The following L3MBTL1 variants were observed in gnomAD, a reference collection of about 807,000 sequenced individuals.
The protein encoded by L3MBTL1 is lethal(3)malignant brain tumor-like protein 1.
A neutral mutation model predicts 105.3 loss-of-function variants in L3MBTL1; 75 were observed. The observed-to-expected ratio is 0.71, with a 90% CI of 0.59 to 0.86. L3MBTL1 has a LOEUF of 0.86. L3MBTL1 is among the 40% of genes least tolerant of loss of function. The pLI is 0.00. For synonymous variants in L3MBTL1, 452 were observed against 436.2 expected (o/e 1.04, Z -0.45); for missense variants, 1,069 against 1,126.4 (o/e 0.95, Z 0.73).
intron 1 of L3MBTL1, among the ~76,000 whole-genome samples, chr20:43,509,636 G>A (rs561766967): frequency 5.9e-5 from 9 of 152,204 alleles, no homozygotes; most frequent in Non-Finnish European, 1.3e-4. Flanking sequence ...AGAGCATTTT[G>A]TCATGTTTGT....
At position 43,528,744 on chromosome 20, in the gene L3MBTL1, A is replaced by G. The variant is rs1333940730; in HGVS notation, c.950A>G (p.Asp317Gly). ...AITAPVSLFQ[D>G]SQAVTHNKNG... is the part of the protein sequence containing the mutation. The stretch of plus-strand genomic sequence containing the variant: ...ACTGCTCCAGTCAGCCTCTTCCAGG[A>G]CGTGAGTTGGACAATTTCCCCGTAG... Residue 317 changes from aspartate (D) to glycine (G), a missense_variant and splice_region_variant, in exon 8 of 22, where the codon GAC (aspartate) becomes GGC (glycine). Coordinates refer to ENST00000418998, the MANE Select transcript of L3MBTL1 (RefSeq NM_001377303.1). The G allele has an allele frequency of 1.9e-6, 3 of 1,611,836 alleles. No homozygotes were observed. The Admixed American group carries it at 5.0e-5, about 27-fold the overall frequency.
chr20:43,537,206 G>A (rs1342542971), intron 19 of L3MBTL1, among the ~76,000 whole-genome samples: 1 of 152,222 alleles, frequency 6.6e-6, no homozygotes, highest in Non-Finnish European at 1.5e-5. Context: ...CCTTGCACTA[G>A]CGTGCTTGCT....
At position 43,514,751 on chromosome 20, in the gene L3MBTL1, T is replaced by A. The variant is rs750696565; in HGVS notation, c.477T>A (p.Asp159Glu). 1 of 1,561,028 alleles carries A rather than the reference T, an allele frequency of 6.4e-7. No individual in the cohort carries two copies. The highest frequency in any genetic ancestry group is 1.4e-5 in the African/African-American group (1 of 73,908). ...AAGATGGCGGGGCCCCGGCGGGAGA[T>A]GGCGAGGCGGGCCCCCAACAGGCGG... ...EYEDGGAPAG[D>E]GEAGPQQAED... The change falls in exon 4 of 22, where the codon GAT (aspartate) becomes GAA (glutamate). Residue 159 changes from aspartate (D) to glutamate (E), a missense_variant. Coordinates refer to ENST00000418998, the MANE Select transcript of L3MBTL1 (RefSeq NM_001377303.1).
rs750050548 is a variant in L3MBTL1 at position 43,534,355 on chromosome 20, C to T, written c.1671C>T (p.Arg557=). ...AVDRRNPALI[R]VASVEDVEDH... ...ACCGCAGGAACCCAGCCCTGATTCGCGTGGCCAGCGTGGAGGATGTGGAGG... is the reference window on the plus strand; with the variant it reads ...ACCGCAGGAACCCAGCCCTGATTCGTGTGGCCAGCGTGGAGGATGTGGAGG... The change falls in exon 15 of 22, where the codon CGC becomes CGT. Residue 557 remains arginine (R), a synonymous_variant. Coordinates refer to ENST00000418998, the MANE Select transcript of L3MBTL1 (RefSeq NM_001377303.1). The T allele has an allele frequency of 8.7e-6, 14 of 1,614,080 alleles. No homozygotes were observed. Among genetic ancestry groups the T allele is most frequent in the Admixed American group, 5.0e-5 (3 of 60,012 alleles).
intron 12 of L3MBTL1, 55 bp from the exon 13 acceptor site, chr20:43,533,287 G>T: frequency 6.6e-7 from 1 of 1,510,180 alleles, no homozygotes; most frequent in South Asian, 1.2e-5. Context: ...TCAGAGGATG[G>T]CAGGCTCAGG....
At position 43,510,386 on chromosome 20, in the gene L3MBTL1, TTTTC is replaced by T. The variant is rs1397282415; in HGVS notation, c.-29+2662_-29+2665del. Among the ~76,000 whole-genome samples the T allele has an allele frequency of 4.3e-3, 613 of 143,244 alleles. 4 individuals are homozygous for T. The highest frequency in any genetic ancestry group is 0.014 in the African/African-American group (525 of 38,094). The allele number at this position is 143,244 out of a possible 152,430, so 94.0% of individuals were successfully genotyped here. A position where few individuals can be genotyped will look rare whatever the true frequency, so the allele number is the denominator to read the frequency against. ...AAATTCAGGGAATTATGTTTTATAATTTTCTTTCTTTCTTTCTTTCTTTTTTTTT... is the reference window on the plus strand; with the variant it reads ...AAATTCAGGGAATTATGTTTTATAATTTTCTTTCTTTCTTTCTTTTTTTTT... On this transcript the variant is annotated intron_variant, in intron 1 of 21. Coordinates refer to ENST00000418998, the MANE Select transcript of L3MBTL1 (RefSeq NM_001377303.1).
At chr20:43,541,982 G>A, downstream of L3MBTL1, 1 of 795,070 alleles carries the variant, frequency 1.3e-6, no homozygotes, top group Non-Finnish European at 1.5e-6. Context: ...AGGCCACGGT[G>A]GGTGGATCAC....
Position 43,513,292 on chromosome 20 carries a change from A to G in L3MBTL1, c.-28-184A>G, listed in dbSNP as rs530955500. 3.3e-3 allele frequency among the ~76,000 whole-genome samples: 502 copies of G among 152,324 alleles called. 2 individuals are homozygous for G. Among genetic ancestry groups the G allele is most frequent in the Non-Finnish European group, 6.3e-3 (430 of 68,032 alleles). On this transcript the variant is annotated intron_variant, in intron 1 of 21. Coordinates refer to ENST00000418998, the MANE Select transcript of L3MBTL1 (RefSeq NM_001377303.1). The stretch of plus-strand genomic sequence containing the variant: ...GGGAGGTGCAGGGCCTGGCCAGAAC[A>G]GGAGCCAGACCTGATGCTGGTCTCT...
At chr20:43,514,451 G>A (rs187181239) in intron 3 of L3MBTL1, 184 bp from the exon 4 acceptor site, 2 of 1,493,596 alleles carry the variant, frequency 1.3e-6, no homozygotes, top group Admixed American at 4.4e-5. Context: ...GCAGGTGCTT[G>A]GGGGCGTAGC....
chr20:43,509,427 A>G (rs751864182), intron 1 of L3MBTL1, among the ~76,000 whole-genome samples: 2 of 151,996 alleles, frequency 1.3e-5, no homozygotes, highest in Admixed American at 6.6e-5. Context: ...AGGCCTCACT[A>G]TGTTGGCCAT....
At chr20:43,515,978 T>C in intron 6 of L3MBTL1, 115 bp from the exon 7 acceptor site, 1 of 726,208 alleles carries the variant, frequency 1.4e-6, no homozygotes. Flanking sequence ...AAATTCTGCC[T>C]GTTTGGGGCA....
intron 7 of L3MBTL1, among the ~76,000 whole-genome samples, chr20:43,518,734 C>T (rs2018536355): frequency 6.6e-6 from 1 of 151,302 alleles, no homozygotes; most frequent in African/African-American, 2.4e-5. Flanking sequence ...TAAGGCCGGG[C>T]ACGGTGGCTC....
At position 43,535,840 on chromosome 20, in the gene L3MBTL1, C is replaced by G; in HGVS notation, c.1829C>G (p.Pro610Arg). The part of the protein sequence containing the change: ...TGHPLQPPLG[P>R]REPSSASPGG... ...CGCCTCCTTTCTGCTCTTTTAGGAC[C>G]CAGAGAGCCCAGCTCTGCCTCCCCT... is the stretch of plus-strand genomic sequence containing the variant. The change falls in exon 17 of 22, where the codon CCC becomes CGC. Residue 610 changes from proline to arginine, a missense_variant. Physicochemically the swap from Pro to Arg is moderately radical, Grantham distance 103 (BLOSUM62 -2). Transcript: ENST00000418998. 1.3e-6 allele frequency: 2 copies of G among 1,587,818 alleles called. No individual in the cohort carries two copies. The highest frequency in any genetic ancestry group is 1.7e-6 in the Non-Finnish European group (2 of 1,168,656).
chr20:43,530,664 G>A (rs1216808999), intron 10 of L3MBTL1, 134 bp from the exon 11 acceptor site: 2 of 873,768 alleles, frequency 2.3e-6, no homozygotes, highest in African/African-American at 1.7e-5. Flanking sequence ...CAGTAGTGGG[G>A]AATCCCTGGG....
intron 3 of L3MBTL1, 118 bp downstream of exon 3, chr20:43,514,179 T>A: frequency 1.1e-6 from 1 of 927,914 alleles, no homozygotes; most frequent in South Asian, 1.6e-5. Flanking sequence ...TGATGGGCCC[T>A]AGGGGTGGGC....
chr20:43,536,013 AAC>A (rs1600952088), intron 17 of L3MBTL1, 77 bp downstream of exon 17: 1 of 1,592,562 alleles, frequency 6.3e-7, no homozygotes. Flanking sequence ...GGTCCACCAA[AAC>A]ACACTCCAGC....
At chr20:43,542,023 C>A, downstream of L3MBTL1, 2 of 335,122 alleles carry the variant, frequency 6.0e-6, no homozygotes, top group Non-Finnish European at 8.5e-6. Flanking sequence ...CCAGCCTGGC[C>A]AACATGGTGA....
chr20:43,549,062 A>G (rs1163762335), exon 19 of L3MBTL1: 2 of 152,180 alleles, frequency 1.3e-5, no homozygotes, highest in Non-Finnish European at 2.9e-5. Flanking sequence ...TACACCCTTC[A>G]TGTGTTGAGT....
chr20:43,508,045 G>A (rs1198927498), intron 1 of L3MBTL1, among the ~76,000 whole-genome samples: 1 of 152,160 alleles, frequency 6.6e-6, no homozygotes, highest in Non-Finnish European at 1.5e-5. Context: ...TTGGAGATAC[G>A]CAATCAATTA....
Sources: gnomAD v4.1 joint callset for allele counts (sites outside exome capture counted in the v4.1 genomes callset) on GRCh38, gnomAD v4.1.1 for gene constraint, MANE v1.5 for transcripts, NCBI Gene and HGNC (gene_info 2026-07-23, HGNC 2026-07-21) for gene names.